PXDNL: variants seen among roughly 807,000 people sequenced by gnomAD.
PXDNL encodes probable oxidoreductase PXDNL.
A neutral mutation model predicts 150.8 loss-of-function variants in PXDNL; 145 were observed. That is an observed-to-expected ratio of 0.96 (90% CI 0.84 to 1.10). The LOEUF (loss-of-function observed/expected upper bound fraction) is 1.10, where lower values mean the gene tolerates loss of function less well. Ranked by LOEUF, PXDNL falls within the 50% of genes least tolerant of loss-of-function variation. The pLI, the probability that PXDNL is intolerant of heterozygous loss-of-function variation, is 0.00. For synonymous variants in PXDNL, 757 were observed against 725.7 expected (o/e 1.04, Z -0.69); for missense variants, 2,087 against 1,873.9 (o/e 1.11, Z -2.10).
chr8:51,707,274 C>T (rs1040533452), intron 1 of PXDNL, among the ~76,000 whole-genome samples: 3 of 152,160 alleles, frequency 2.0e-5, no homozygotes, highest in Non-Finnish European at 2.9e-5. Flanking sequence ...CACATTTAGA[C>T]AAGCATGCTT....
At chr8:51,463,172 A>T (rs1810122357) in intron 8 of PXDNL, among the ~76,000 whole-genome samples, 1 of 152,204 alleles carries the variant, frequency 6.6e-6, no homozygotes, top group Admixed American at 6.5e-5. Flanking sequence ...TACTATCACC[A>T]AGACATATTT....
intron 1 of PXDNL, among the ~76,000 whole-genome samples, chr8:51,772,477 G>C (rs1306588340): frequency 6.6e-6 from 1 of 152,178 alleles, no homozygotes; most frequent in Non-Finnish European, 1.5e-5. Context: ...CGTCTAGGCA[G>C]ACCTCAAGCA....
chr8:51,495,533 C>A (rs1193063673), intron 5 of PXDNL, among the ~76,000 whole-genome samples: 1 of 151,856 alleles, frequency 6.6e-6, no homozygotes, highest in East Asian at 1.9e-4. Context: ...AGACCGCTAG[C>A]AAGACTAATA....
intron 1 of PXDNL, among the ~76,000 whole-genome samples, chr8:51,778,486 T>C (rs58408501): frequency 1.3e-5 from 2 of 152,068 alleles, no homozygotes; most frequent in Non-Finnish European, 2.9e-5. Context: ...ACACATTTTT[T>C]AAGACATAAT....
At chr8:51,785,376 G>T (rs2037451269) in intron 1 of PXDNL, among the ~76,000 whole-genome samples, 1 of 152,176 alleles carries the variant, frequency 6.6e-6, no homozygotes, top group Non-Finnish European at 1.5e-5. Flanking sequence ...ATGCACATTA[G>T]TAATACATGT....
chr8:51,735,526 GTTTTTT>G (rs777986365), intron 1 of PXDNL, among the ~76,000 whole-genome samples: 889 of 41,086 alleles, frequency 0.022, 42 homozygotes, highest in African/African-American at 0.041. Context: ...ATTAAAAATT[GTTTTTT>G]TTTTTTTTTT....
At chr8:51,665,544 T>A (rs548650159) in intron 1 of PXDNL, among the ~76,000 whole-genome samples, 2 of 152,266 alleles carry the variant, frequency 1.3e-5, no homozygotes, top group Non-Finnish European at 2.9e-5. Flanking sequence ...AGCAGGGAAA[T>A]GTCTAACTAT....
At chr8:51,645,345 A>G (rs1468029847) in intron 2 of PXDNL, among the ~76,000 whole-genome samples, 1 of 152,190 alleles carries the variant, frequency 6.6e-6, no homozygotes, top group East Asian at 1.9e-4. Context: ...CTCAGAAATC[A>G]TGTCTAATCA....
chr8:51,630,855 TG>T (rs1466418304), intron 2 of PXDNL, among the ~76,000 whole-genome samples: 1 of 152,130 alleles, frequency 6.6e-6, no homozygotes, highest in African/African-American at 2.4e-5. Context: ...GTTCAGCCAT[TG>T]GGGAAAGCAG....
At chr8:51,750,799 G>A (rs989704863) in intron 1 of PXDNL, among the ~76,000 whole-genome samples, 2 of 152,140 alleles carry the variant, frequency 1.3e-5, no homozygotes, top group South Asian at 2.1e-4. Flanking sequence ...AGGTATGTAC[G>A]TATAGGAAGA....
At chr8:51,688,886 C>T (rs1815930849) in intron 1 of PXDNL, among the ~76,000 whole-genome samples, 1 of 152,184 alleles carries the variant, frequency 6.6e-6, no homozygotes, top group African/African-American at 2.4e-5. Flanking sequence ...GGAACAGCAC[C>T]ATCTTTATCC....
At chr8:51,320,136 TA>T in intron 22 of PXDNL, 114 bp from the exon 23 acceptor site, 2 of 949,494 alleles carry the variant, frequency 2.1e-6, no homozygotes, top group Non-Finnish European at 2.8e-6. Flanking sequence ...CTCAATATAA[TA>T]AAAAATGCTC....
chr8:51,641,502 T>A (rs1238472910), intron 2 of PXDNL, among the ~76,000 whole-genome samples: 5 of 151,904 alleles, frequency 3.3e-5, no homozygotes, highest in Non-Finnish European at 2.9e-5. Context: ...CTCAAACAAA[T>A]TTACAAGAAA....
At chr8:51,558,605 G>A (rs2130548784) in intron 3 of PXDNL, among the ~76,000 whole-genome samples, 1 of 152,074 alleles carries the variant, frequency 6.6e-6, no homozygotes, top group Non-Finnish European at 1.5e-5. Context: ...TCATGAAGGA[G>A]TTTCAAAACT....
At chr8:51,369,939 A>G (rs1232173299) in intron 19 of PXDNL, among the ~76,000 whole-genome samples, 1 of 152,182 alleles carries the variant, frequency 6.6e-6, no homozygotes, top group African/African-American at 2.4e-5. Context: ...ACATGGAACA[A>G]TGGCAATGGG....
intron 1 of PXDNL, among the ~76,000 whole-genome samples, chr8:51,767,657 A>C (rs1348140615): frequency 6.6e-6 from 1 of 152,042 alleles, no homozygotes; most frequent in East Asian, 1.9e-4. Context: ...TACTCTTTTC[A>C]AATCTTTACT....
chr8:51,809,021 ACAGAGCAGAAC>A (rs1231295522), intron 1 of PXDNL, among the ~76,000 whole-genome samples, 149 bp downstream of exon 1: 5 of 152,194 alleles, frequency 3.3e-5, no homozygotes, highest in Admixed American at 2.0e-4. Context: ...TTCTAGTCTA[ACAGAGCAGAAC>A]CATGAAATTG....
intron 3 of PXDNL, among the ~76,000 whole-genome samples, chr8:51,577,731 C>A (rs73588755): frequency 0.05 from 7,538 of 149,960 alleles, 448 homozygotes; most frequent in African/African-American, 0.15. Flanking sequence ...AAATTTCCTT[C>A]ACTTGGTAAA....
intron 3 of PXDNL, among the ~76,000 whole-genome samples, chr8:51,590,536 C>G (rs1813421116): frequency 6.6e-6 from 1 of 152,190 alleles, no homozygotes; most frequent in Non-Finnish European, 1.5e-5. Context: ...CCAAATTCCC[C>G]ATGTCCAGAA....
Sources: allele counts gnomAD v4.1 joint callset (sites outside exome capture counted in the v4.1 genomes callset), GRCh38; gene constraint gnomAD v4.1.1; transcripts MANE v1.5; gene names NCBI Gene and HGNC (gene_info 2026-07-23, HGNC 2026-07-21).